MDM2: variants seen among roughly 807,000 people sequenced by gnomAD.
MDM2 encodes the protein MDM2 proto-oncogene.
Under a neutral mutation model 64.3 loss-of-function variants are expected in MDM2, and 11 were observed. That is an observed-to-expected ratio of 0.17 (90% confidence interval 0.11 to 0.28). The LOEUF (loss-of-function observed/expected upper bound fraction) is 0.28, where lower values mean the gene tolerates loss of function less well. MDM2 is among the 10% of genes least tolerant of loss of function. The pLI is 1.00. For synonymous variants in MDM2, 194 were observed against 192.9 expected, an observed-to-expected ratio of 1.01 and a Z score of -0.05; for missense variants, 388 against 577.1, an observed-to-expected ratio of 0.67 and a Z score of 3.36.
chr12:68,839,422 C>T lies in MDM2; in HGVS notation c.1067C>T (p.Ser356Leu). 6.2e-7 allele frequency: 1 copy of T among 1,613,688 alleles called. No homozygotes were observed. The highest frequency in any genetic ancestry group is 1.3e-5 in the African/African-American group (1 of 74,916). The change falls in exon 11 of 11, where the codon TCA becomes TTA. Residue 356 changes from serine (S) to leucine (L), a missense_variant. Ser to Leu is a moderately radical substitution (Grantham distance 145). Around this residue, in one of 5 missense-constraint regions of MDM2, gnomAD observed 138 missense variants for 143.7 expected, o/e 0.96. Coordinates refer to ENST00000258149, the MANE Select transcript of MDM2 (RefSeq NM_002392.6). ...TCTGAGAAAGCCAAACTGGAAAACT[C>T]AACACAAGCTGAAGAGGGCTTTGAT... ...EISEKAKLEN[S>L]TQAEEGFDVP...
At chr12:68,820,630 G>A (rs952854609) in intron 5 of MDM2, among the ~76,000 whole-genome samples, 1 of 152,180 alleles carries the variant, frequency 6.6e-6, no homozygotes, top group African/African-American at 2.4e-5. Flanking sequence ...TGAAAGGTCT[G>A]TAATTTCAAA....
chr12:68,808,586 T>A, intron 1 of MDM2, 95 bp downstream of exon 1: 1 of 1,570,512 alleles, frequency 6.4e-7, no homozygotes, highest in Non-Finnish European at 8.7e-7. Flanking sequence ...TCGCAGCCTT[T>A]GTGCGGTTCG....
intron 2 of MDM2, among the ~76,000 whole-genome samples, chr12:68,812,531 G>A (rs1880996574): frequency 6.6e-6 from 1 of 152,200 alleles, no homozygotes; most frequent in Admixed American, 6.5e-5. Context: ...TTTTTCTCAA[G>A]ACCATTTGTA....
downstream of MDM2, chr12:68,847,196 T>TATATATATATATATATATATATATATA (rs1884363867): frequency 4.3e-5 from 4 of 92,054 alleles, no homozygotes; most frequent in African/African-American, 1.2e-4. Flanking sequence ...TGTGTGTACA[T>TATATATATATATATATATATATATATA]TATATATATA....
At chr12:68,809,423 C>T (rs898437943) in intron 2 of MDM2, 131 bp downstream of exon 2, 7 of 825,750 alleles carry the variant, frequency 8.5e-6, no homozygotes, top group Non-Finnish European at 1.4e-5. Context: ...AAGTGTGCTA[C>T]CTCTGGCGTA....
At chr12:68,813,049 T>C (rs529822135) in intron 2 of MDM2, among the ~76,000 whole-genome samples, 10 of 152,314 alleles carry the variant, frequency 6.6e-5, no homozygotes, top group African/African-American at 2.2e-4. Flanking sequence ...AGAGGCAGCA[T>C]GATATAGTAG....
chr12:68,840,354 C>T lies in MDM2; in HGVS notation c.*505C>T, dbSNP rs950395305. ...AGAGACAGGGTTTCACCGTGTTAGCCAGGATGGTCTCGATCTCCTGACCTC... is the reference window on the plus strand; with the variant it reads ...AGAGACAGGGTTTCACCGTGTTAGCTAGGATGGTCTCGATCTCCTGACCTC... On this transcript the variant is annotated 3_prime_UTR_variant, in exon 11 of 11. Coordinates refer to ENST00000258149, the MANE Select transcript of MDM2 (RefSeq NM_002392.6). 1 of 169,904 alleles carries T rather than the reference C, an allele frequency of 5.9e-6. No individual in the cohort carries two copies. Among genetic ancestry groups the T allele is most frequent in the African/African-American group, 2.4e-5 (1 of 41,878 alleles). The allele number at this position is 169,904 out of a possible 1,614,324, so 10.5% of individuals were successfully genotyped here.
rs544699628 is a variant in MDM2, at chr12:68,824,933, C to T, written c.523+282C>T. Among the ~76,000 whole-genome samples, 130 of 152,034 alleles carry T rather than the reference C, an allele frequency of 8.6e-4. 1 individual carries two copies. Among genetic ancestry groups the T allele is most frequent in the African/African-American group, 3.0e-3 (123 of 41,466 alleles). ...AGGAGGTGGCTGGGGTGTGGTGGCT[C>T]ACGCCTGGCTCACGCCTGTAATCCC... On this transcript the variant is annotated intron_variant, in intron 7 of 10. Coordinates refer to ENST00000258149, the MANE Select transcript of MDM2 (RefSeq NM_002392.6).
At chr12:68,828,630 CA>C (rs1367188530) in intron 7 of MDM2, 140 bp from the exon 8 acceptor site, 1 of 646,550 alleles carries the variant, frequency 1.5e-6, no homozygotes, top group East Asian at 2.8e-5. Context: ...TCTGCTGTAA[CA>C]GTTGGACAGA....
chr12:68,846,485 G>C (rs749993841), downstream of MDM2: 2 of 151,928 alleles, frequency 1.3e-5, no homozygotes, highest in African/African-American at 2.4e-5. Context: ...GTCTATTTTT[G>C]GTTCACACCT....
rs1463101769 is a variant in MDM2, at chr12:68,842,291, A to G, written c.*2442A>G. ...TTCAGGACATCAAAGAAGTCAGGCAAAACTCATCTTGACCCCTGTTGCAGG... is the reference window on the plus strand; with the variant it reads ...TTCAGGACATCAAAGAAGTCAGGCAGAACTCATCTTGACCCCTGTTGCAGG... On this transcript the variant is annotated 3_prime_UTR_variant, in exon 11 of 11. Transcript: ENST00000258149. 4.0e-6 allele frequency: 2 copies of G among 496,556 alleles called. No homozygotes were observed. The highest frequency in any genetic ancestry group is 3.1e-5 in the South Asian group (2 of 64,892). The allele number at this position is 496,556 out of a possible 1,614,324, so 30.8% of individuals were successfully genotyped here.
In MDM2 at chr12:68,845,420, C is replaced by T. The variant is rs1229537448; in HGVS notation, c.*5571C>T. ...TAACAAACGAAAGGCAAAATAAAAC[C>T]GTAAAGCAAGCAGATGGGAGGCGTG... On this transcript the variant is annotated 3_prime_UTR_variant, in exon 11 of 11. Transcript: ENST00000258149. 9.6e-6 allele frequency: 2 copies of T among 207,498 alleles called. No individual in the cohort carries two copies. The highest frequency in any genetic ancestry group is 2.0e-5 in the Non-Finnish European group (2 of 102,110). The allele number at this position is 207,498 out of a possible 1,614,324, so 12.9% of individuals were successfully genotyped here.
At chr12:68,836,593 T>A (rs746419185) in intron 9 of MDM2, 79 bp from the exon 10 acceptor site, 12 of 946,806 alleles carry the variant, frequency 1.3e-5, no homozygotes, top group Non-Finnish European at 2.1e-5. Context: ...ATGATATTTG[T>A]TTAGGACTTA....
intron 5 of MDM2, among the ~76,000 whole-genome samples, chr12:68,822,231 T>C (rs1013609809): frequency 3.9e-5 from 6 of 152,216 alleles, no homozygotes; most frequent in Non-Finnish European, 7.3e-5. Context: ...GTTTTATTAA[T>C]ATGGTATTTA....
chr12:68,814,215 G>T (rs144039471), intron 3 of MDM2, among the ~76,000 whole-genome samples: 1 of 152,234 alleles, frequency 6.6e-6, no homozygotes, highest in Non-Finnish European at 1.5e-5. Flanking sequence ...ACCACGCCTG[G>T]CTAATTTTTT....
chr12:68,850,517 G>A (rs1318210574), downstream of MDM2: 1 of 152,160 alleles, frequency 6.6e-6, no homozygotes, highest in Non-Finnish European at 1.5e-5. Flanking sequence ...GTGTTTCAAA[G>A]AGCAGATGTA....
At chr12:68,847,452 C>CTTTTTTTTTTTTTTTT (rs772905678), downstream of MDM2, 9 of 88,692 alleles carry the variant, frequency 1.0e-4, 1 homozygote, top group African/African-American at 3.9e-4. Context: ...TATCTCCTTT[C>CTTTTTTTTTTTTTTTT]TTTTTTTTTT....
chr12:68,836,101 AT>A, intron 9 of MDM2, 117 bp downstream of exon 9: 1 of 934,398 alleles, frequency 1.1e-6, no homozygotes, highest in Non-Finnish European at 1.5e-6. Flanking sequence ...TTACCTCTTG[AT>A]TTGTTTAAAC....
In MDM2 at chr12:68,808,258, A is replaced by G; in HGVS notation, c.-220A>G. 1 of 600,202 alleles carries G rather than the reference A, an allele frequency of 1.7e-6. No homozygotes were observed. Among genetic ancestry groups the G allele is most frequent in the Non-Finnish European group, 2.9e-6 (1 of 340,096 alleles). 37.2% of individuals were successfully genotyped at this position (600,202 alleles called of 1,614,324 possible). A position where few individuals can be genotyped will look rare whatever the true frequency, so the allele number is the denominator to read the frequency against. ...TGTGTGTCGGAAAGATGGAGCAAGA[A>G]GCCGAGCCCGAGGGGCGGCCGCGAC... On this transcript the variant is annotated 5_prime_UTR_variant, in exon 1 of 11. Transcript: ENST00000258149.
Sources: allele counts gnomAD v4.1 joint callset (sites outside exome capture counted in the v4.1 genomes callset), GRCh38; gene constraint gnomAD v4.1.1; regional missense constraint gnomAD v4.1.1; transcripts MANE v1.5; gene names NCBI Gene and HGNC (gene_info 2026-07-23, HGNC 2026-07-21).